The following CDH18 variants were observed in gnomAD, a reference collection of about 807,000 sequenced individuals.
CDH18 encodes the protein cadherin 18.
A neutral mutation model predicts 67.9 loss-of-function variants in CDH18; 31 were observed. That is an observed-to-expected ratio of 0.46 (90% CI 0.34 to 0.62). The LOEUF (loss-of-function observed/expected upper bound fraction) is 0.62. Among genes scored for constraint, CDH18 ranks in the 20% least tolerant of loss-of-function variants. CDH18 has a pLI of 0.01. For synonymous variants in CDH18, 362 were observed against 347.2 expected, an observed-to-expected ratio of 1.04 and a Z score of -0.48; for missense variants, 890 against 975.5, an observed-to-expected ratio of 0.91 and a Z score of 1.17.
chr5:19,515,362 GT>G (rs1295758555), intron 10 of CDH18, among the ~76,000 whole-genome samples: 7 of 152,048 alleles, frequency 4.6e-5, no homozygotes, highest in Non-Finnish European at 1.0e-4. Context: ...ATTTAAAGTA[GT>G]TTTTTTCCAA....
intron 2 of CDH18, among the ~76,000 whole-genome samples, chr5:20,070,550 G>A (rs1743395552): frequency 6.6e-6 from 1 of 152,126 alleles, no homozygotes; most frequent in East Asian, 1.9e-4. Flanking sequence ...GAGTGCCGAA[G>A]AAATGGGCAA....
intron 2 of CDH18, among the ~76,000 whole-genome samples, chr5:20,162,426 T>C (rs1207145324): frequency 6.8e-6 from 1 of 147,676 alleles, no homozygotes; most frequent in East Asian, 1.9e-4. Context: ...TATATATTAG[T>C]ATATATTATA....
At chr5:20,169,917 A>G (rs965480789) in intron 2 of CDH18, among the ~76,000 whole-genome samples, 3 of 152,130 alleles carry the variant, frequency 2.0e-5, no homozygotes, top group Admixed American at 2.0e-4. Flanking sequence ...AGCAACAAAG[A>G]TAGACATGTC....
intron 6 of CDH18, among the ~76,000 whole-genome samples, chr5:19,608,747 A>G (rs890128603): frequency 3.3e-5 from 5 of 151,948 alleles, no homozygotes; most frequent in African/African-American, 1.2e-4. Flanking sequence ...AAGTTATGTT[A>G]GATTAAGCTA....
At chr5:19,634,944 A>T (rs909063853) in intron 5 of CDH18, among the ~76,000 whole-genome samples, 1 of 151,950 alleles carries the variant, frequency 6.6e-6, no homozygotes, top group Admixed American at 6.5e-5. Context: ...TCTCAAAAAA[A>T]AAAAAAAAGA....
chr5:20,144,159 A>T (rs1047332042), intron 2 of CDH18, among the ~76,000 whole-genome samples: 2 of 152,130 alleles, frequency 1.3e-5, no homozygotes, highest in Admixed American at 1.3e-4. Context: ...TCCACAGAGC[A>T]GGGCCACCTC....
chr5:19,974,520 CAAA>C (rs70954626), intron 2 of CDH18, among the ~76,000 whole-genome samples: 5 of 78,262 alleles, frequency 6.4e-5, no homozygotes, highest in Admixed American at 1.6e-4. Flanking sequence ...TCCTGTCTCC[CAAA>C]AAAAAAAAAA....
chr5:20,141,920 A>G (rs929758581), intron 2 of CDH18, among the ~76,000 whole-genome samples: 1 of 152,010 alleles, frequency 6.6e-6, no homozygotes, highest in African/African-American at 2.4e-5. Flanking sequence ...TAATATTAAG[A>G]GTAAAAATAG....
At chr5:20,338,839 A>G (rs1334202823) in intron 1 of CDH18, among the ~76,000 whole-genome samples, 2 of 152,146 alleles carry the variant, frequency 1.3e-5, no homozygotes, top group Non-Finnish European at 2.9e-5. Context: ...CAGGGCCCCA[A>G]GGTGGAAGTC....
intron 5 of CDH18, among the ~76,000 whole-genome samples, chr5:19,654,096 C>T (rs7732239): frequency 1 from 151,915 of 152,270 alleles, 75,780 homozygotes; most frequent in Non-Finnish European, 1. Context: ...TGTTTAGTCC[C>T]CAGCCTTTCT....
At chr5:20,446,294 G>A (rs984958690) in intron 1 of CDH18, among the ~76,000 whole-genome samples, 3 of 152,120 alleles carry the variant, frequency 2.0e-5, no homozygotes, top group Admixed American at 2.0e-4. Context: ...CAGTCTTGGG[G>A]TTGAACCTAG....
chr5:20,411,804 T>A (rs1039619519), intron 1 of CDH18, among the ~76,000 whole-genome samples: 267 of 145,036 alleles, frequency 1.8e-3, no homozygotes, highest in Non-Finnish European at 2.9e-3. Context: ...CACAAAAAAA[T>A]ACCTAGGAAT....
chr5:20,556,001 A>G (rs1021693982), intron 1 of CDH18, among the ~76,000 whole-genome samples: 1 of 152,126 alleles, frequency 6.6e-6, no homozygotes, highest in Non-Finnish European at 1.5e-5. Flanking sequence ...TTTTCAAGCT[A>G]AAAAATAGAG....
chr5:19,956,254 T>G (rs1428230542), intron 2 of CDH18, among the ~76,000 whole-genome samples: 3 of 152,004 alleles, frequency 2.0e-5, no homozygotes, highest in Non-Finnish European at 2.9e-5. Flanking sequence ...TTAACCTTGG[T>G]TTACTTCTTC....
chr5:19,610,380 A>G (rs903318490), intron 6 of CDH18, among the ~76,000 whole-genome samples: 32 of 152,128 alleles, frequency 2.1e-4, no homozygotes, highest in African/African-American at 7.7e-4. Context: ...TTATATATCT[A>G]TATTCATCTA....
chr5:20,544,582 C>T lies in CDH18; in HGVS notation c.-580+30880G>A, dbSNP rs982566860. ...TACATGGCAGAGGAGAGAGAGAGAG[C>T]GAGAGAGGGAAAGTGCCACACTTTT... On this transcript the variant is annotated intron_variant, in intron 1 of 14. Transcript: ENST00000507958. Among the ~76,000 whole-genome samples the T allele has an allele frequency of 3.3e-5, 5 of 151,836 alleles. No individual in the cohort carries two copies. In the East Asian group the frequency reaches 7.8e-4, roughly 24 times the overall value.
At chr5:19,576,225 A>G (rs1283669676) in intron 7 of CDH18, among the ~76,000 whole-genome samples, 7 of 152,208 alleles carry the variant, frequency 4.6e-5, no homozygotes, top group Non-Finnish European at 1.0e-4. Flanking sequence ...AAATAGGCAA[A>G]GTAAGCAAAA....
intron 1 of CDH18, among the ~76,000 whole-genome samples, chr5:20,405,136 C>T (rs1461506989): frequency 2.0e-5 from 3 of 152,102 alleles, no homozygotes; most frequent in Admixed American, 6.5e-5. Context: ...CAAGTCAATC[C>T]TAAGCCAAAA....
intron 5 of CDH18, among the ~76,000 whole-genome samples, chr5:19,683,275 C>A (rs1760594326): frequency 6.6e-6 from 1 of 152,046 alleles, no homozygotes; most frequent in African/African-American, 2.4e-5. Flanking sequence ...TAATTAAAAA[C>A]CATACTGTAG....
Sources: gnomAD v4.1 joint callset for allele counts (sites outside exome capture counted in the v4.1 genomes callset) on GRCh38, gnomAD v4.1.1 for gene constraint, MANE v1.5 for transcripts, NCBI Gene and HGNC (gene_info 2026-07-23, HGNC 2026-07-21) for gene names.